Variants in KCNK1 observed in about 807,000 individuals in gnomAD.
The protein encoded by KCNK1 is potassium two pore domain channel subfamily K member 1, also known as potassium channel subfamily K member 1.
A neutral mutation model predicts 22.2 loss-of-function variants in KCNK1; 10 were observed. The observed-to-expected ratio is 0.45, with a 90% CI of 0.28 to 0.76. The LOEUF is 0.76. Ranked by LOEUF, KCNK1 falls within the 30% of genes least tolerant of loss-of-function variation. KCNK1 has a pLI of 0.14. For synonymous variants in KCNK1, 200 were observed against 186.4 expected, an observed-to-expected ratio of 1.07 and a Z score of -0.60; for missense variants, 378 against 421.0, an observed-to-expected ratio of 0.90 and a Z score of 0.89.
chr1:233,631,745 G>T (rs1014673829), intron 1 of KCNK1, among the ~76,000 whole-genome samples: 1 of 152,174 alleles, frequency 6.6e-6, no homozygotes, highest in African/African-American at 2.4e-5. Flanking sequence ...AAAGAAATGT[G>T]CTCACTGTTT....
chr1:233,626,249 G>C (rs990296845), intron 1 of KCNK1, among the ~76,000 whole-genome samples: 1 of 152,108 alleles, frequency 6.6e-6, no homozygotes, highest in Non-Finnish European at 1.5e-5. Flanking sequence ...AGAAAGAAGA[G>C]TGAAGAATGA....
At chr1:233,640,428 C>T (rs1657980910) in intron 1 of KCNK1, among the ~76,000 whole-genome samples, 1 of 152,318 alleles carries the variant, frequency 6.6e-6, no homozygotes, top group African/African-American at 2.4e-5. Context: ...AGCTTGAATT[C>T]AGCGGACTCA....
chr1:233,635,301 A>G (rs1342675883), intron 1 of KCNK1, among the ~76,000 whole-genome samples: 1 of 152,228 alleles, frequency 6.6e-6, no homozygotes, highest in Non-Finnish European at 1.5e-5. Flanking sequence ...AATAAAAGCC[A>G]TATTTAGTGT....
At position 233,614,530 on chromosome 1, in the gene KCNK1, G is replaced by A. The variant is rs370364854; in HGVS notation, c.355+4G>A. ...AGCACCGTGCTCTCCACCACAGGTAGGGTATCCTGCGCGCCCCCTGGCCGC... is the reference window on the plus strand; with the variant it reads ...AGCACCGTGCTCTCCACCACAGGTAAGGTATCCTGCGCGCCCCCTGGCCGC... On this transcript the variant is annotated splice_donor_region_variant and intron_variant, in intron 1 of 2. Coordinates refer to ENST00000366621, the MANE Select transcript of KCNK1 (RefSeq NM_002245.4). The A allele has an allele frequency of 2.9e-5, 45 of 1,569,444 alleles. No homozygotes were observed. The highest frequency in any genetic ancestry group is 3.2e-5 in the Non-Finnish European group (37 of 1,155,312).
At chr1:233,634,120 A>C (rs1238587417) in intron 1 of KCNK1, among the ~76,000 whole-genome samples, 1 of 152,094 alleles carries the variant, frequency 6.6e-6, no homozygotes, top group Non-Finnish European at 1.5e-5. Context: ...AGCCTGGCCA[A>C]CACAGTGAAA....
At chr1:233,641,581 C>G (rs138839530) in intron 1 of KCNK1, among the ~76,000 whole-genome samples, 15 of 152,328 alleles carry the variant, frequency 9.8e-5, no homozygotes, top group African/African-American at 3.4e-4. Context: ...TATATCCCCA[C>G]TTAACACGGC....
chr1:233,664,153 A>C (rs1658450095), intron 1 of KCNK1, among the ~76,000 whole-genome samples: 1 of 152,010 alleles, frequency 6.6e-6, no homozygotes, highest in Non-Finnish European at 1.5e-5. Flanking sequence ...TTTATGGTTA[A>C]ATAAAGTTCC....
chr1:233,627,988 A>G (rs1571891181), intron 1 of KCNK1, among the ~76,000 whole-genome samples: 1 of 152,224 alleles, frequency 6.6e-6, no homozygotes, highest in South Asian at 2.1e-4. Flanking sequence ...CGCTTCACTC[A>G]GAACTATGTT....
At chr1:233,617,789 A>T (rs754558005) in intron 1 of KCNK1, among the ~76,000 whole-genome samples, 11 of 152,162 alleles carry the variant, frequency 7.2e-5, no homozygotes, top group Non-Finnish European at 1.5e-4. Flanking sequence ...AAGTTAACAA[A>T]ATTAGCCCGG....
Position 233,666,703 on chromosome 1 carries a change from G to T in KCNK1, c.464G>T (p.Arg155Leu). The change falls in exon 2 of 3, where the codon CGC becomes CTC. Residue 155 changes from arginine to leucine, a missense_variant. Transcript: ENST00000366621. The stretch of plus-strand genomic sequence containing the variant: ...CTGTTCCTGACGGCTGTGGTCCAGC[G>T]CATCACCGTGCACGTCACCCGCAGG... ...TLLFLTAVVQ[R>L]ITVHVTRRPV... The T allele has an allele frequency of 6.2e-7, 1 of 1,614,004 alleles. No individual in the cohort carries two copies. Among genetic ancestry groups the T allele is most frequent in the Non-Finnish European group, 8.5e-7 (1 of 1,180,000 alleles).
At chr1:233,659,697 C>T (rs1376865822) in intron 1 of KCNK1, among the ~76,000 whole-genome samples, 1 of 151,946 alleles carries the variant, frequency 6.6e-6, no homozygotes, top group Non-Finnish European at 1.5e-5. Context: ...ATGGCTACGA[C>T]ATTGCTAGGG....
intron 1 of KCNK1, among the ~76,000 whole-genome samples, chr1:233,625,690 A>G (rs1452562197): frequency 6.6e-6 from 1 of 152,124 alleles, no homozygotes; most frequent in Non-Finnish European, 1.5e-5. Flanking sequence ...TGATTAGTGT[A>G]TGGTGAAGGG....
At chr1:233,619,849 G>T (rs1425457880) in intron 1 of KCNK1, among the ~76,000 whole-genome samples, 1 of 146,970 alleles carries the variant, frequency 6.8e-6, no homozygotes, top group South Asian at 2.2e-4. Context: ...GGTGGAGATT[G>T]CAGTGAGCCA....
chr1:233,662,723 G>C (rs780080), intron 1 of KCNK1, among the ~76,000 whole-genome samples: 139 of 152,306 alleles, frequency 9.1e-4, no homozygotes, highest in African/African-American at 3.1e-3. Flanking sequence ...CTCATAACAG[G>C]AAACCCAGCA....
At chr1:233,619,978 G>A (rs940085124) in intron 1 of KCNK1, among the ~76,000 whole-genome samples, 5 of 151,994 alleles carry the variant, frequency 3.3e-5, no homozygotes, top group African/African-American at 9.7e-5. Flanking sequence ...GCGAACTAGG[G>A]CCCCTGGACC....
chr1:233,657,852 T>C (rs1164427786), intron 1 of KCNK1, among the ~76,000 whole-genome samples: 1 of 152,016 alleles, frequency 6.6e-6, no homozygotes, highest in African/African-American at 2.4e-5. Context: ...AAACTTAGCC[T>C]CCTACAGCAG....
chr1:233,654,676 G>C (rs1658259417), intron 1 of KCNK1, among the ~76,000 whole-genome samples: 1 of 152,188 alleles, frequency 6.6e-6, no homozygotes, highest in African/African-American at 2.4e-5. Context: ...TGTTAGAGAA[G>C]TGGAGGCAGG....
At chr1:233,655,453 G>A (rs1230975556) in intron 1 of KCNK1, among the ~76,000 whole-genome samples, 1 of 152,124 alleles carries the variant, frequency 6.6e-6, no homozygotes, top group Non-Finnish European at 1.5e-5. Context: ...TGGAACCATT[G>A]GAATGGACTG....
chr1:233,614,295 T>C lies in KCNK1; in HGVS notation c.124T>C (p.Ser42Pro). The change falls in exon 1 of 3, where the codon TCC (serine) becomes CCC (proline). Residue 42 changes from serine (S) to proline (P), a missense_variant. Coordinates refer to ENST00000366621, the MANE Select transcript of KCNK1 (RefSeq NM_002245.4). ...CCTGGTCTTCGGCGCAGTGGTCTTC[T>C]CCTCGGTGGAGCTGCCCTATGAGGA... ...LYLVFGAVVF[S>P]SVELPYEDLL... 5 of 1,613,210 alleles carry C rather than the reference T, an allele frequency of 3.1e-6. No homozygotes were observed. The highest frequency in any genetic ancestry group is 4.2e-6 in the Non-Finnish European group (5 of 1,179,776).
Sources: allele counts gnomAD v4.1 joint callset (sites outside exome capture counted in the v4.1 genomes callset), GRCh38; gene constraint gnomAD v4.1.1; transcripts MANE v1.5; gene names NCBI Gene and HGNC (gene_info 2026-07-23, HGNC 2026-07-21).